The following IL1RAP variants were observed in gnomAD, a reference collection of about 807,000 sequenced individuals.
IL1RAP encodes the protein interleukin 1 receptor accessory protein.
A neutral mutation model predicts 60.7 loss-of-function variants in IL1RAP; 35 were observed. That is an observed-to-expected ratio of 0.58 (90% CI 0.44 to 0.76). The LOEUF (loss-of-function observed/expected upper bound fraction) is 0.76. IL1RAP is among the 30% of genes least tolerant of loss of function. IL1RAP has a pLI of 0.00. For missense variants in IL1RAP, 572 were observed against 693.9 expected, an observed-to-expected ratio of 0.82 and a Z score of 1.97; for synonymous variants, 268 against 250.9, an observed-to-expected ratio of 1.07 and a Z score of -0.64.
At chr3:190,652,955 G>GCT (rs1734469543), downstream of IL1RAP, among the ~76,000 whole-genome samples, 1 of 152,046 alleles carries the variant, frequency 6.6e-6, no homozygotes, top group Non-Finnish European at 1.5e-5. Flanking sequence ...GATGTCACTA[G>GCT]CTCTTTAACG....
chr3:190,566,296 G>T (rs1015980453), intron 3 of IL1RAP, among the ~76,000 whole-genome samples: 1 of 152,132 alleles, frequency 6.6e-6, no homozygotes, highest in African/African-American at 2.4e-5. Flanking sequence ...AATGGAACGT[G>T]TTTGGGTTCA....
intron 3 of IL1RAP, among the ~76,000 whole-genome samples, chr3:190,573,128 T>G (rs3926944): frequency 0.69 from 92,674 of 133,510 alleles, 43,769 homozygotes; most frequent in East Asian, 0.98. Flanking sequence ...CTCCCAAAGT[T>G]CTGGGATTAC....
rs546360351 is a variant in IL1RAP, at chr3:190,621,687, A to G, written c.703+1247A>G. Among the ~76,000 whole-genome samples, 23 of 152,356 alleles carry G rather than the reference A, an allele frequency of 1.5e-4. No individual in the cohort carries two copies. In the East Asian group the frequency reaches 4.4e-3, roughly 29 times the overall value. On this transcript the variant is annotated intron_variant, in intron 6 of 11. Transcript: ENST00000447382. ...TGAGTATTTATTATATGCCAGTAGC[A>G]TATCCTTAATATATATTCCTTAGTT...
At chr3:190,531,830 C>A (rs936395761) in intron 1 of IL1RAP, among the ~76,000 whole-genome samples, 1 of 152,146 alleles carries the variant, frequency 6.6e-6, no homozygotes, top group Non-Finnish European at 1.5e-5. Flanking sequence ...TGTGGGGAAT[C>A]TAGGGTTTTT....
In IL1RAP at chr3:190,645,688, C is replaced by T. The variant is rs1733966270; in HGVS notation, c.1202-11C>T. 1.9e-6 allele frequency: 3 copies of T among 1,599,550 alleles called. No homozygotes were observed. Among genetic ancestry groups the T allele is most frequent in the Non-Finnish European group, 2.6e-6 (3 of 1,170,250 alleles). On this transcript the variant is annotated splice_polypyrimidine_tract_variant and intron_variant, in intron 10 of 11. Transcript: ENST00000447382. ...TCCTAATTTACATTGTATCTGTGTTCCTTTTGCTAGATGGAAAAGAGTATG... is the reference window on the plus strand; with the variant it reads ...TCCTAATTTACATTGTATCTGTGTTTCTTTTGCTAGATGGAAAAGAGTATG...
At chr3:190,571,167 AT>A in intron 3 of IL1RAP, among the ~76,000 whole-genome samples, 1 of 152,198 alleles carries the variant, frequency 6.6e-6, no homozygotes, top group South Asian at 2.1e-4. Flanking sequence ...CTTTTTATTA[AT>A]TTATTATGGT....
intron 4 of IL1RAP, among the ~76,000 whole-genome samples, chr3:190,607,824 C>T (rs1292516342): frequency 6.6e-6 from 1 of 152,146 alleles, no homozygotes; most frequent in East Asian, 1.9e-4. Flanking sequence ...CCATTTGTCA[C>T]ATTTTCTTCT....
At chr3:190,516,940 C>T (rs1305136686) in intron 1 of IL1RAP, among the ~76,000 whole-genome samples, 3 of 152,210 alleles carry the variant, frequency 2.0e-5, no homozygotes, top group African/African-American at 7.2e-5. Context: ...ATACAGTTCA[C>T]ACCTTTTCAT....
At chr3:190,528,504 T>C (rs1035514944) in intron 1 of IL1RAP, among the ~76,000 whole-genome samples, 11 of 152,206 alleles carry the variant, frequency 7.2e-5, no homozygotes, top group Non-Finnish European at 1.5e-4. Flanking sequence ...TTCAGTTGCC[T>C]GCGTTAATAA....
chr3:190,545,891 G>GA (rs1218727960), intron 1 of IL1RAP, among the ~76,000 whole-genome samples: 2 of 151,946 alleles, frequency 1.3e-5, no homozygotes, highest in Admixed American at 6.6e-5. Flanking sequence ...ATACATGTGT[G>GA]AAAAAAAACT....
chr3:190,602,755 A>G (rs187298330), intron 3 of IL1RAP, among the ~76,000 whole-genome samples: 22 of 152,338 alleles, frequency 1.4e-4, no homozygotes, highest in African/African-American at 5.3e-4. Context: ...CTTTCCAATT[A>G]TACTTGGCAT....
intron 7 of IL1RAP, chr3:190,624,785 TA>T: frequency 6.0e-6 from 1 of 166,418 alleles, no homozygotes. Context: ...TGAAAAAAAT[TA>T]AAAAGTTTAT....
chr3:190,655,033 C>T (rs1734567468), downstream of IL1RAP, among the ~76,000 whole-genome samples: 1 of 150,916 alleles, frequency 6.6e-6, no homozygotes, highest in Admixed American at 6.6e-5. Flanking sequence ...CACACAGACG[C>T]ACACACACAC....
intron 1 of IL1RAP, among the ~76,000 whole-genome samples, chr3:190,534,254 A>G (rs1723236053): frequency 6.6e-6 from 1 of 150,680 alleles, no homozygotes; most frequent in Non-Finnish European, 1.5e-5. Flanking sequence ...AGAGACTTCC[A>G]TAATCTCCAG....
intron 1 of IL1RAP, among the ~76,000 whole-genome samples, chr3:190,538,276 G>T (rs568084073): frequency 6.6e-6 from 1 of 152,156 alleles, no homozygotes; most frequent in Non-Finnish European, 1.5e-5. Context: ...GCAGAATCTT[G>T]AGTCTTGTCC....
chr3:190,544,166 G>A (rs1441025894), intron 1 of IL1RAP, among the ~76,000 whole-genome samples: 1 of 152,134 alleles, frequency 6.6e-6, no homozygotes, highest in African/African-American at 2.4e-5. Flanking sequence ...AGGTCACACA[G>A]GTGAAAGGGT....
chr3:190,585,229 C>T (rs1728349511), intron 3 of IL1RAP, among the ~76,000 whole-genome samples: 1 of 152,096 alleles, frequency 6.6e-6, no homozygotes, highest in Non-Finnish European at 1.5e-5. Context: ...GAAAAAGGGG[C>T]CGTGCCAGGC....
chr3:190,585,996 A>G (rs1386554991), intron 3 of IL1RAP, among the ~76,000 whole-genome samples: 3 of 151,944 alleles, frequency 2.0e-5, no homozygotes, highest in Non-Finnish European at 4.4e-5. Flanking sequence ...TGACTCATGG[A>G]CTAACTCATC....
At chr3:190,607,823 A>G (rs1730473156) in intron 4 of IL1RAP, among the ~76,000 whole-genome samples, 1 of 152,138 alleles carries the variant, frequency 6.6e-6, no homozygotes, top group African/African-American at 2.4e-5. Context: ...TCCATTTGTC[A>G]CATTTTCTTC....
Sources: allele counts gnomAD v4.1 joint callset (sites outside exome capture counted in the v4.1 genomes callset), GRCh38; gene constraint gnomAD v4.1.1; transcripts MANE v1.5; gene names NCBI Gene and HGNC (gene_info 2026-07-23, HGNC 2026-07-21).